Variants in AP4E1 observed in about 807,000 individuals in gnomAD.
The protein encoded by AP4E1 is adaptor related protein complex 4 subunit epsilon 1.
Under a neutral mutation model 128.2 loss-of-function variants are expected in AP4E1, and 56 were observed. That is an observed-to-expected ratio of 0.44 (90% CI 0.35 to 0.55). The LOEUF is 0.55. Ranked by LOEUF, AP4E1 falls within the 20% of genes least tolerant of loss-of-function variation. AP4E1 has a pLI of 0.00. For synonymous variants in AP4E1, 484 were observed against 473.1 expected (o/e 1.02, Z -0.30); for missense variants, 1,324 against 1,307.7 (o/e 1.01, Z -0.19).
chr15:50,969,884 C>T (rs1285119038), intron 15 of AP4E1, among the ~76,000 whole-genome samples: 1 of 152,162 alleles, frequency 6.6e-6, no homozygotes, highest in Non-Finnish European at 1.5e-5. Context: ...TGGTCTCGAT[C>T]TCCTGACCTC....
In AP4E1 at chr15:50,929,017, T is replaced by A; in HGVS notation, c.551T>A (p.Val184Glu). 6.2e-7 allele frequency: 1 copy of A among 1,613,842 alleles called. No homozygotes were observed. ...TCATTTTTTGTCTTCAGGGAGATTG[T>A]ACGAAGAAAAGCTGTTCTGGCATTA... ...EDKLQHSKEI[V>E]RRKAVLALYK... The change falls in exon 6 of 21, where the codon GTA (valine) becomes GAA (glutamate). Residue 184 changes from valine to glutamate, a missense_variant. Val to Glu is a moderately radical substitution (Grantham distance 121, BLOSUM62 -2). Transcript: ENST00000261842.
At chr15:50,919,709 A>C (rs994147743) in intron 3 of AP4E1, among the ~76,000 whole-genome samples, 1 of 151,940 alleles carries the variant, frequency 6.6e-6, no homozygotes, top group Non-Finnish European at 1.5e-5. Context: ...TTTCTTGCCA[A>C]TTAGAGGGAC....
At position 51,002,612 on chromosome 15, in the gene AP4E1, C is replaced by T. The variant is rs1260930330; in HGVS notation, c.3364C>T (p.Leu1122Phe). 7.4e-6 allele frequency: 12 copies of T among 1,614,050 alleles called. No individual in the cohort carries two copies. Among genetic ancestry groups the T allele is most frequent in the Admixed American group, 1.7e-5 (1 of 60,004 alleles). The change falls in exon 21 of 21, where the codon CTT (leucine) becomes TTT (phenylalanine). Residue 1122 changes from leucine (L) to phenylalanine (F), a missense_variant. By Grantham distance (22) the Leu-to-Phe change is conservative. Coordinates refer to ENST00000261842, the MANE Select transcript of AP4E1 (RefSeq NM_007347.5). ...GTGGTTCAGATCCTCCTGTTCTACT[C>T]TTCCTGACTATTTACTGTATCAGTG... ...ALWFRSSCST[L>F]PDYLLYQCQK...
intron 6 of AP4E1, among the ~76,000 whole-genome samples, chr15:50,930,577 G>A (rs1233840313): frequency 6.6e-6 from 1 of 151,958 alleles, no homozygotes; most frequent in East Asian, 1.9e-4. Context: ...AACTGTATAC[G>A]GGGAAAAGTA....
At chr15:50,983,903 T>C in intron 15 of AP4E1, 119 bp from the exon 16 acceptor site, 3 of 975,590 alleles carry the variant, frequency 3.1e-6, no homozygotes. Context: ...TCAAAGTCCT[T>C]TAGAGTTTAA....
At chr15:50,950,850 T>C (rs901490044) in intron 13 of AP4E1, among the ~76,000 whole-genome samples, 6 of 152,156 alleles carry the variant, frequency 3.9e-5, no homozygotes, top group Non-Finnish European at 8.8e-5. Context: ...AGCTCCCACT[T>C]ATAAGTGAGA....
intron 1 of AP4E1, among the ~76,000 whole-genome samples, chr15:50,909,760 T>A (rs2063541164): frequency 6.6e-6 from 1 of 152,022 alleles, no homozygotes; most frequent in Non-Finnish European, 1.5e-5. Flanking sequence ...CGATCTGGGC[T>A]CACTACAAGC....
At chr15:50,987,288 G>A (rs1464019538) in intron 16 of AP4E1, among the ~76,000 whole-genome samples, 1 of 152,018 alleles carries the variant, frequency 6.6e-6, no homozygotes, top group Non-Finnish European at 1.5e-5. Context: ...AGGGTTTTTT[G>A]TGTCTCTATT....
chr15:51,000,547 G>A (rs559513475), intron 19 of AP4E1, among the ~76,000 whole-genome samples: 2 of 152,118 alleles, frequency 1.3e-5, no homozygotes, highest in African/African-American at 4.8e-5. Context: ...AAAAACTTAC[G>A]TTGTGTGATT....
At chr15:51,002,183 G>T (rs542260353) in intron 20 of AP4E1, among the ~76,000 whole-genome samples, 1 of 152,190 alleles carries the variant, frequency 6.6e-6, no homozygotes, top group African/African-American at 2.4e-5. Flanking sequence ...ACCTGGCCTA[G>T]ATTTAATTCT....
intron 8 of AP4E1, among the ~76,000 whole-genome samples, chr15:50,939,561 G>A (rs1282588317): frequency 6.6e-6 from 1 of 151,916 alleles, no homozygotes; most frequent in Non-Finnish European, 1.5e-5. Context: ...CTTAGCTCTG[G>A]GTGAGAAAAT....
At chr15:50,990,144 G>A (rs941841280) in intron 16 of AP4E1, among the ~76,000 whole-genome samples, 5 of 151,900 alleles carry the variant, frequency 3.3e-5, no homozygotes, top group Non-Finnish European at 7.4e-5. Context: ...TGTTTGAATG[G>A]TCTGAATAAA....
chr15:50,993,742 G>A lies in AP4E1; in HGVS notation c.2346+117G>A, dbSNP rs2064834197. Reference sequence around the variant, plus strand: ...TGTATAGTGAAAAGTGGCTTCCCCAGTTCTTACTCACCATCATTTCCCAGC... The same window carrying A: ...TGTATAGTGAAAAGTGGCTTCCCCAATTCTTACTCACCATCATTTCCCAGC... On this transcript the variant is annotated intron_variant, in intron 17 of 20. Transcript: ENST00000261842. 6 of 1,223,152 alleles carry A rather than the reference G, an allele frequency of 4.9e-6. No individual in the cohort carries two copies. The South Asian group carries it at 7.8e-5, about 16-fold the overall frequency. 75.8% of individuals were successfully genotyped at this position (1,223,152 alleles called of 1,614,324 possible).
chr15:50,911,067 G>A (rs1019055219), intron 1 of AP4E1, among the ~76,000 whole-genome samples: 1 of 152,198 alleles, frequency 6.6e-6, no homozygotes, highest in Non-Finnish European at 1.5e-5. Context: ...GTCTTAAATA[G>A]CAGTTTGAAA....
chr15:50,944,876 G>A, intron 10 of AP4E1: 2 of 811,036 alleles, frequency 2.5e-6, no homozygotes, highest in Non-Finnish European at 4.2e-6. Flanking sequence ...TCAGTTGCTT[G>A]GCAAAGCATC....
intron 16 of AP4E1, among the ~76,000 whole-genome samples, chr15:50,985,495 T>C (rs1318901701): frequency 6.6e-6 from 1 of 152,208 alleles, no homozygotes; most frequent in African/African-American, 2.4e-5. Context: ...GTATAAGGTG[T>C]AAGGAAGGGA....
At chr15:50,996,533 G>T (rs1314109717) in intron 17 of AP4E1, among the ~76,000 whole-genome samples, 1 of 152,104 alleles carries the variant, frequency 6.6e-6, no homozygotes, top group African/African-American at 2.4e-5. Context: ...GATAAGAAAA[G>T]GGAACTAGAA....
At chr15:50,954,319 T>C (rs527262817) in intron 13 of AP4E1, among the ~76,000 whole-genome samples, 1 of 152,368 alleles carries the variant, frequency 6.6e-6, no homozygotes, top group East Asian at 1.9e-4. Flanking sequence ...ATAAAATTGC[T>C]GTTAATTCTG....
intron 14 of AP4E1, among the ~76,000 whole-genome samples, chr15:50,961,530 G>A (rs917790173): frequency 3.9e-5 from 6 of 151,968 alleles, no homozygotes; most frequent in African/African-American, 1.4e-4. Flanking sequence ...AATAGATGCA[G>A]AGAATTCATT....
Sources: gnomAD v4.1 joint callset for allele counts (sites outside exome capture counted in the v4.1 genomes callset) on GRCh38, gnomAD v4.1.1 for gene constraint, MANE v1.5 for transcripts, NCBI Gene and HGNC (gene_info 2026-07-23, HGNC 2026-07-21) for gene names.